The following POU2F1 variants were observed in gnomAD, a reference collection of about 807,000 sequenced individuals.
POU2F1 encodes the protein POU domain, class 2, transcription factor 1.
POU2F1 carries 16 observed loss-of-function variants against 84.9 expected under a neutral mutation model. That is an observed-to-expected ratio of 0.19 (90% CI 0.13 to 0.29). The LOEUF (loss-of-function observed/expected upper bound fraction) is 0.29. Ranked by LOEUF, POU2F1 falls within the 10% of genes least tolerant of loss-of-function variation. POU2F1 has a pLI of 1.00. For synonymous variants in POU2F1, 368 were observed against 368.3 expected (o/e 1.00, Z 0.01); for missense variants, 738 against 942.6 (o/e 0.78, Z 2.84).
intron 6 of POU2F1, among the ~76,000 whole-genome samples, chr1:167,375,148 GTTA>G (rs1268967764): frequency 6.6e-6 from 1 of 152,258 alleles, no homozygotes; most frequent in South Asian, 2.1e-4. Context: ...TATATGAAGA[GTTA>G]TTATGAGTCT....
At chr1:167,399,516 G>GTC (rs1483065289) in intron 12 of POU2F1, 151 bp downstream of exon 12, 4 of 734,826 alleles carry the variant, frequency 5.4e-6, no homozygotes, top group Non-Finnish European at 8.6e-6. Flanking sequence ...CATTACCAAG[G>GTC]TAATGAAATT....
chr1:167,312,605 C>G (rs1403482833), intron 1 of POU2F1, among the ~76,000 whole-genome samples: 2 of 151,858 alleles, frequency 1.3e-5, no homozygotes, highest in Non-Finnish European at 2.9e-5. Flanking sequence ...ACTTATTATT[C>G]AAGAAAGAAA....
intron 13 of POU2F1, 47 bp from the exon 14 acceptor site, chr1:167,411,912 C>A (rs147472408): frequency 6.5e-7 from 1 of 1,540,902 alleles, no homozygotes. Flanking sequence ...ACCATTCTTC[C>A]AAAACCATTT....
intron 1 of POU2F1, among the ~76,000 whole-genome samples, chr1:167,285,199 G>A (rs1208182596): frequency 3.9e-5 from 6 of 152,152 alleles, no homozygotes; most frequent in African/African-American, 1.4e-4. Flanking sequence ...GTTTTGTTAG[G>A]ATTAAAAGGG....
At chr1:167,226,451 A>G (rs911734420) in intron 1 of POU2F1, among the ~76,000 whole-genome samples, 1 of 152,234 alleles carries the variant, frequency 6.6e-6, no homozygotes, top group Non-Finnish European at 1.5e-5. Context: ...AAGAGAATTG[A>G]ATAACTGTAG....
chr1:167,367,635 A>G (rs1203554425), intron 3 of POU2F1, among the ~76,000 whole-genome samples: 3 of 152,198 alleles, frequency 2.0e-5, no homozygotes, highest in African/African-American at 7.2e-5. Flanking sequence ...AGTTACAACA[A>G]TAGAACAGTG....
chr1:167,292,236 A>G (rs912224035), intron 1 of POU2F1, among the ~76,000 whole-genome samples: 1 of 152,122 alleles, frequency 6.6e-6, no homozygotes, highest in Non-Finnish European at 1.5e-5. Context: ...CACAAATGCC[A>G]GTATACCAGT....
intron 1 of POU2F1, among the ~76,000 whole-genome samples, chr1:167,229,397 G>C (rs533945382): frequency 6.6e-6 from 1 of 152,230 alleles, no homozygotes; most frequent in African/African-American, 2.4e-5. Context: ...TTATTGGGTT[G>C]TAGATTCCTT....
At chr1:167,339,162 C>T (rs76244803) in intron 2 of POU2F1, among the ~76,000 whole-genome samples, 1,776 of 152,210 alleles carry the variant, frequency 0.012, 10 homozygotes, top group Non-Finnish European at 0.02. Context: ...GTTTCCTTCC[C>T]TCCCTTTCCT....
At chr1:167,223,595 G>T (rs1052876697) in intron 1 of POU2F1, among the ~76,000 whole-genome samples, 1 of 152,118 alleles carries the variant, frequency 6.6e-6, no homozygotes, top group Non-Finnish European at 1.5e-5. Context: ...TATGTATTTT[G>T]TGGGACTTTG....
intron 2 of POU2F1, among the ~76,000 whole-genome samples, chr1:167,358,774 G>C (rs1381325275): frequency 2.5e-5 from 3 of 121,282 alleles, no homozygotes; most frequent in Non-Finnish European, 4.8e-5. Context: ...GGCTGGTCTT[G>C]AACTCCTGGC....
chr1:167,332,333 A>G (rs1657127914), intron 1 of POU2F1, 137 bp from the exon 2 acceptor site: 1 of 536,262 alleles, frequency 1.9e-6, no homozygotes, highest in Non-Finnish European at 3.3e-6. Context: ...TTTTAGCCAG[A>G]CATGTATACA....
intron 1 of POU2F1, among the ~76,000 whole-genome samples, chr1:167,230,158 T>C (rs1341321502): frequency 6.6e-6 from 1 of 152,172 alleles, no homozygotes; most frequent in Non-Finnish European, 1.5e-5. Flanking sequence ...CAATCCCAGT[T>C]TGAGACACAT....
chr1:167,241,036 G>A (rs893967826), intron 1 of POU2F1, among the ~76,000 whole-genome samples: 20 of 152,156 alleles, frequency 1.3e-4, no homozygotes, highest in African/African-American at 4.6e-4. Context: ...CAGCTACTCG[G>A]GAGGCTGAGG....
chr1:167,300,851 A>T (rs1004565451), intron 1 of POU2F1, among the ~76,000 whole-genome samples: 1 of 151,562 alleles, frequency 6.6e-6, no homozygotes, highest in Non-Finnish European at 1.5e-5. Flanking sequence ...GCTCACTGCA[A>T]CCTCCAACCC....
intron 3 of POU2F1, among the ~76,000 whole-genome samples, chr1:167,365,838 G>GT (rs1204237157): frequency 6.6e-6 from 1 of 152,152 alleles, no homozygotes; most frequent in Non-Finnish European, 1.5e-5. Context: ...TTATAAGTGG[G>GT]TATCTGTGGT....
Position 167,268,469 on chromosome 1 carries a change from G to A in POU2F1, c.61+47511G>A, listed in dbSNP as rs181562670. Among the ~76,000 whole-genome samples the A allele has an allele frequency of 1.9e-3, 289 of 152,258 alleles. 2 individuals carry two copies. The highest frequency in any genetic ancestry group is 2.5e-3 in the Non-Finnish European group (172 of 68,012). On this transcript the variant is annotated intron_variant, in intron 1 of 15. Coordinates refer to ENST00000367866, the MANE Select transcript of POU2F1 (RefSeq NM_002697.4). ...GCAGCTCAGATGCCATGAATTAAGT[G>A]GAGCACAAAAGGGGGAAAGGAGACC...
Position 167,426,415 on chromosome 1 carries a change from TAAA to T in POU2F1, c.*10609_*10611del, listed in dbSNP as rs781528807. 3.3e-5 allele frequency: 5 copies of T among 152,156 alleles called. No individual in the cohort carries two copies. Among genetic ancestry groups the T allele is most frequent in the African/African-American group, 7.2e-5 (3 of 41,440 alleles). The allele number at this position is 152,156 out of a possible 1,614,324, so 9.4% of individuals were successfully genotyped here. On this transcript the variant is annotated 3_prime_UTR_variant, in exon 16 of 16. Transcript: ENST00000367866. ...GTTTTCACTGCCTAGGTGTTCATAA[TAAA>T]AAAGAAAATGAAAAAAGTTCTGAGT...
intron 1 of POU2F1, among the ~76,000 whole-genome samples, chr1:167,229,330 G>T (rs1648886621): frequency 6.6e-6 from 1 of 152,088 alleles, no homozygotes; most frequent in Non-Finnish European, 1.5e-5. Flanking sequence ...GAGCCATTTG[G>T]GGAGTAAGTC....
Sources: gnomAD v4.1 joint callset for allele counts (sites outside exome capture counted in the v4.1 genomes callset) on GRCh38, gnomAD v4.1.1 for gene constraint, MANE v1.5 for transcripts, NCBI Gene and HGNC (gene_info 2026-07-23, HGNC 2026-07-21) for gene names.